Variants in OR6C1 observed in about 807,000 individuals in gnomAD.
OR6C1 encodes olfactory receptor 6C1.
For missense variants in OR6C1, 386 were observed against 366.1 expected, an observed-to-expected ratio of 1.05 and a Z score of -0.44; for synonymous variants, 157 against 133.3, an observed-to-expected ratio of 1.18 and a Z score of -1.22.
chr12:55,315,951 C>T (rs566227565), intron 1 of OR6C1, among the ~76,000 whole-genome samples: 7 of 151,238 alleles, frequency 4.6e-5, no homozygotes, highest in African/African-American at 7.3e-5. Flanking sequence ...ATACGCTCTG[C>T]AAAATTTTTT....
intron 1 of OR6C1, among the ~76,000 whole-genome samples, chr12:55,315,177 A>C (rs1436897950): frequency 6.6e-6 from 1 of 151,734 alleles, no homozygotes; most frequent in African/African-American, 2.4e-5. Flanking sequence ...AACATCCTTG[A>C]AATTTCAACT....
At chr12:55,314,645 C>T (rs1043352867) in intron 1 of OR6C1, 46 bp downstream of exon 1, 1 of 151,514 alleles carries the variant, frequency 6.6e-6, no homozygotes, top group African/African-American at 2.4e-5. Flanking sequence ...CAAATCATAG[C>T]ATTGAATCAT....
chr12:55,318,116 G>T (rs1017883266), intron 1 of OR6C1, among the ~76,000 whole-genome samples: 3 of 151,298 alleles, frequency 2.0e-5, no homozygotes, highest in Non-Finnish European at 4.4e-5. Flanking sequence ...ACCACTTTTA[G>T]AAGGGTTATT....
rs1868567281 is a variant in OR6C1, at chr12:55,321,728, T to G, written c.*190T>G. 1 of 409,530 alleles carries G rather than the reference T, an allele frequency of 2.4e-6. No homozygotes were observed. 25.4% of individuals were successfully genotyped at this position (409,530 alleles called of 1,614,324 possible). A position where few individuals can be genotyped will look rare whatever the true frequency, so the allele number is the denominator to read the frequency against. The stretch of plus-strand genomic sequence containing the variant: ...TTTCTTGTGTCTTCCTGACACCCCC[T>G]CCTTTGAACAATTTTTTGTAAAATT... On this transcript the variant is annotated 3_prime_UTR_variant, in exon 2 of 2. Coordinates refer to ENST00000642104, the MANE Select transcript of OR6C1 (RefSeq NM_001005182.2).
At chr12:55,318,147 A>G (rs1868444478) in intron 1 of OR6C1, among the ~76,000 whole-genome samples, 1 of 151,716 alleles carries the variant, frequency 6.6e-6, no homozygotes, top group Admixed American at 6.6e-5. Flanking sequence ...AGCAGAGAAA[A>G]TAACTGGCTG....
chr12:55,317,915 A>AATAT (rs1271391509), intron 1 of OR6C1, among the ~76,000 whole-genome samples: 13 of 145,540 alleles, frequency 8.9e-5, no homozygotes, highest in African/African-American at 3.3e-4. Context: ...CCACAATGCT[A>AATAT]ATATATATAT....
intron 1 of OR6C1, among the ~76,000 whole-genome samples, chr12:55,315,281 G>C (rs978966849): frequency 6.6e-6 from 1 of 151,504 alleles, no homozygotes; most frequent in Non-Finnish European, 1.5e-5. Flanking sequence ...TCTCTCTAAC[G>C]TTAAAGCCTA....
chr12:55,321,027 T>C lies in OR6C1; in HGVS notation c.428T>C (p.Val143Ala). 6.2e-7 allele frequency: 1 copy of C among 1,613,730 alleles called. No individual in the cohort carries two copies. Among genetic ancestry groups the C allele is most frequent in the Non-Finnish European group, 8.5e-7 (1 of 1,179,828 alleles). ...IMNRRVCTLL[V>A]FTSWLVSFLI... ...AATCGAAGAGTCTGCACACTGCTTG[T>C]TTTTACTTCTTGGCTGGTTTCATTC... is the stretch of plus-strand genomic sequence containing the variant. The change falls in exon 2 of 2, where the codon GTT becomes GCT. Residue 143 changes from valine to alanine, a missense_variant. Physicochemically the swap from Val to Ala is moderately conservative, Grantham distance 64 (BLOSUM62 0). Coordinates refer to ENST00000642104, the MANE Select transcript of OR6C1 (RefSeq NM_001005182.2).
At chr12:55,315,527 T>G (rs75304891) in intron 1 of OR6C1, among the ~76,000 whole-genome samples, 5,860 of 151,804 alleles carry the variant, frequency 0.039, 390 homozygotes, top group African/African-American at 0.13. Context: ...TCTTTTCCCT[T>G]GATTTGTTTC....
At chr12:55,318,247 TG>T in intron 1 of OR6C1, among the ~76,000 whole-genome samples, 2 of 148,284 alleles carry the variant, frequency 1.3e-5, no homozygotes. Context: ...TGTGTGTGTG[TG>T]TGTGTGTGTG....
At chr12:55,314,895 A>G (rs1203960539) in intron 1 of OR6C1, among the ~76,000 whole-genome samples, 2 of 151,630 alleles carry the variant, frequency 1.3e-5, no homozygotes, top group Non-Finnish European at 3.0e-5. Context: ...GCCTAGCTAT[A>G]TGAATTAAGT....
In OR6C1 at chr12:55,321,483, T is replaced by C. The variant is rs760365701; in HGVS notation, c.884T>C (p.Val295Ala). 2.7e-5 allele frequency: 43 copies of C among 1,613,494 alleles called. No homozygotes were observed. Among genetic ancestry groups the C allele is most frequent in the Non-Finnish European group, 3.6e-5 (43 of 1,179,804 alleles). Residue 295 changes from valine (V) to alanine (A), a missense_variant, in exon 2 of 2, where the codon GTC becomes GCC. Physicochemically the swap from Val to Ala is moderately conservative, Grantham distance 64. Transcript: ENST00000642104. ...ATTTACAGCCTAAGAAATCAGCAAG[T>C]CAAGCAAGCTTTCATTAACATGGCA... Reference protein sequence around the residue: ...PFIYSLRNQQVKQAFINMARK... With the variant: ...PFIYSLRNQQAKQAFINMARK...
intron 1 of OR6C1, among the ~76,000 whole-genome samples, chr12:55,315,140 T>C (rs530700135): frequency 1.9e-4 from 29 of 151,492 alleles, no homozygotes; most frequent in Admixed American, 1.3e-3. Flanking sequence ...GGAACACTTA[T>C]TTATAGTATT....
At position 55,321,973 on chromosome 12, in the gene OR6C1, A is replaced by C. The variant is rs1161076342; in HGVS notation, c.*435A>C. 6.6e-6 allele frequency: 1 copy of C among 152,162 alleles called. No individual in the cohort carries two copies. The highest frequency in any genetic ancestry group is 1.5e-5 in the Non-Finnish European group (1 of 68,058). The allele number at this position is 152,162 out of a possible 1,614,324, so 9.4% of individuals were successfully genotyped here. ...AGGAAATATGTGAAAGATACAATAT[A>C]ATTTTTAAAAAATGTAAGTGAATTC... On this transcript the variant is annotated 3_prime_UTR_variant, in exon 2 of 2. Transcript: ENST00000642104.
chr12:55,321,091 T>G lies in OR6C1; in HGVS notation c.492T>G (p.Leu164=), dbSNP rs1319186151. The G allele has an allele frequency of 6.2e-7, 1 of 1,613,738 alleles. No individual in the cohort carries two copies. Among genetic ancestry groups the G allele is most frequent in the Admixed American group, 1.7e-5 (1 of 59,972 alleles). Reference sequence around the variant, plus strand: ...CAGCACTCATGTTGCTTTTAAAGCTTCATTACTGTAGGTCTAATATTATTG... The same window carrying G: ...CAGCACTCATGTTGCTTTTAAAGCTGCATTACTGTAGGTCTAATATTATTG... The part of the protein sequence containing the change: ...IFPALMLLLK[L]HYCRSNIIDH... Residue 164 remains leucine (L), a synonymous_variant, in exon 2 of 2, where the codon CTT becomes CTG. Transcript: ENST00000642104.
At chr12:55,318,304 G>A (rs890114759) in intron 1 of OR6C1, among the ~76,000 whole-genome samples, 1 of 150,540 alleles carries the variant, frequency 6.6e-6, no homozygotes, top group African/African-American at 2.4e-5. Context: ...GCTATACCAT[G>A]GTGGGAGAGG....
chr12:55,316,805 T>TA (rs770668856), intron 1 of OR6C1, among the ~76,000 whole-genome samples: 6 of 152,004 alleles, frequency 3.9e-5, no homozygotes, highest in Admixed American at 6.6e-5. Flanking sequence ...CACATGCTAC[T>TA]AGAGTTCCTT....
Position 55,321,664 on chromosome 12 carries a change from A to G in OR6C1, c.*126A>G, listed in dbSNP as rs1300300330. 2 of 534,922 alleles carry G rather than the reference A, an allele frequency of 3.7e-6. No individual in the cohort carries two copies. The highest frequency in any genetic ancestry group is 1.9e-5 in the African/African-American group (1 of 51,864). The allele number at this position is 534,922 out of a possible 1,614,324, so 33.1% of individuals were successfully genotyped here. A position where few individuals can be genotyped will look rare whatever the true frequency, so the allele number is the denominator to read the frequency against. ...TTCTTTTCCCTAAAAGTTTGCAAGCATATTTATTTAATATATTTCTCATTT... is the reference window on the plus strand; with the variant it reads ...TTCTTTTCCCTAAAAGTTTGCAAGCGTATTTATTTAATATATTTCTCATTT... On this transcript the variant is annotated 3_prime_UTR_variant, in exon 2 of 2. Coordinates refer to ENST00000642104, the MANE Select transcript of OR6C1 (RefSeq NM_001005182.2).
At chr12:55,318,180 A>C (rs1868445072) in intron 1 of OR6C1, among the ~76,000 whole-genome samples, 1 of 151,172 alleles carries the variant, frequency 6.6e-6, no homozygotes, top group African/African-American at 2.4e-5. Flanking sequence ...TTGACAAGCT[A>C]TGAACATCAC....
Sources: allele counts gnomAD v4.1 joint callset (sites outside exome capture counted in the v4.1 genomes callset), GRCh38; gene constraint gnomAD v4.1.1; transcripts MANE v1.5; gene names NCBI Gene and HGNC (gene_info 2026-07-23, HGNC 2026-07-21).